The following LUZP2 variants were observed in gnomAD, a reference collection of about 807,000 sequenced individuals.
LUZP2 encodes the protein leucine zipper protein 2.
In LUZP2, 52 loss-of-function variants were observed where a neutral mutation model predicts 51.6. The observed-to-expected ratio is 1.01, with a 90% CI of 0.81 to 1.27. LUZP2 has a LOEUF of 1.27. Among genes scored for constraint, LUZP2 ranks in the 50% most tolerant of loss-of-function variants. LUZP2 has a pLI of 0.00. For missense variants in LUZP2, 436 were observed against 395.4 expected, an observed-to-expected ratio of 1.10 and a Z score of -0.87; for synonymous variants, 154 against 137.3, an observed-to-expected ratio of 1.12 and a Z score of -0.85.
At chr11:24,644,717 A>T (rs996075402) in intron 1 of LUZP2, among the ~76,000 whole-genome samples, 4 of 152,158 alleles carry the variant, frequency 2.6e-5, no homozygotes, top group African/African-American at 9.7e-5. Flanking sequence ...AGATCACAGG[A>T]AACTCAATCA....
intron 1 of LUZP2, among the ~76,000 whole-genome samples, chr11:24,524,756 T>G (rs1341305070): frequency 6.6e-6 from 1 of 151,730 alleles, no homozygotes; most frequent in Non-Finnish European, 1.5e-5. Context: ...TATTTGAATG[T>G]TCTGTCCTTG....
At chr11:24,898,777 G>A (rs1853172694) in intron 5 of LUZP2, among the ~76,000 whole-genome samples, 1 of 152,190 alleles carries the variant, frequency 6.6e-6, no homozygotes, top group South Asian at 2.1e-4. Flanking sequence ...ATTTGCTAGC[G>A]TTTTTGGGGT....
intron 1 of LUZP2, among the ~76,000 whole-genome samples, chr11:24,520,272 C>T (rs1360940032): frequency 1.3e-5 from 2 of 152,080 alleles, no homozygotes; most frequent in African/African-American, 4.8e-5. Flanking sequence ...CTCTAAAACG[C>T]ACTAGTGTAT....
At chr11:24,705,881 C>T (rs531694729) in intron 1 of LUZP2, among the ~76,000 whole-genome samples, 5 of 151,138 alleles carry the variant, frequency 3.3e-5, no homozygotes, top group South Asian at 2.1e-4. Flanking sequence ...TATGACAAAC[C>T]GGCTACTCAA....
At chr11:24,667,351 T>C (rs1856250483) in intron 1 of LUZP2, among the ~76,000 whole-genome samples, 2 of 151,746 alleles carry the variant, frequency 1.3e-5, no homozygotes, top group African/African-American at 4.8e-5. Flanking sequence ...GCTTGGCTAA[T>C]TTTTTTTGTA....
chr11:24,613,006 C>T (rs1289053115), intron 1 of LUZP2, among the ~76,000 whole-genome samples: 3 of 152,064 alleles, frequency 2.0e-5, no homozygotes, highest in Non-Finnish European at 1.5e-5. Flanking sequence ...GAAGAATCCA[C>T]AGGAAACAAA....
intron 1 of LUZP2, among the ~76,000 whole-genome samples, chr11:24,570,289 A>T (rs1352675200): frequency 2.0e-5 from 3 of 152,056 alleles, no homozygotes; most frequent in African/African-American, 7.2e-5. Context: ...TTGAGGGGGA[A>T]AGTGCTTTTC....
intron 5 of LUZP2, among the ~76,000 whole-genome samples, chr11:24,833,685 G>A (rs145099372): frequency 1.9e-4 from 25 of 135,062 alleles, no homozygotes; most frequent in Admixed American, 1.4e-3. Context: ...CACACGTCAC[G>A]TCCCCCACGC....
At chr11:24,926,641 ATATATATATGTGTGTGTATATATATATG>A (rs1854281696) in intron 7 of LUZP2, among the ~76,000 whole-genome samples, 1 of 133,972 alleles carries the variant, frequency 7.5e-6, no homozygotes, top group African/African-American at 2.7e-5. Context: ...ATATATGTAT[ATATATATATGTGTGTGTATATATATATG>A]TGTGTGTGTG....
chr11:24,602,171 T>TATATGTATATATATAC (rs1565020601), intron 1 of LUZP2, among the ~76,000 whole-genome samples: 11 of 74,932 alleles, frequency 1.5e-4, no homozygotes, highest in African/African-American at 5.5e-4. Context: ...TATATGTGTA[T>TATATGTATATATATAC]ATATATGTGT....
intron 9 of LUZP2, among the ~76,000 whole-genome samples, chr11:25,015,143 G>A (rs375454164): frequency 9.5e-4 from 145 of 152,078 alleles, no homozygotes; most frequent in African/African-American, 3.2e-3. Context: ...GAGTAGTTGC[G>A]ATTTATTTAG....
chr11:24,949,870 G>A (rs1411324894), intron 7 of LUZP2, among the ~76,000 whole-genome samples: 1 of 151,498 alleles, frequency 6.6e-6, no homozygotes, highest in Non-Finnish European at 1.5e-5. Flanking sequence ...TCTGACAAAG[G>A]AGAAATCAGC....
At position 25,044,010 on chromosome 11, in the gene LUZP2, C is replaced by CTACATATATCTGATATATATAGAGTCTA. The variant is rs1565272998; in HGVS notation, c.766-6026_766-6025insCATATATCTGATATATATAGAGTCTATA. Among the ~76,000 whole-genome samples, 179 of 109,154 alleles carry CTACATATATCTGATATATATAGAGTCTA rather than the reference C, an allele frequency of 1.6e-3. 4 individuals carry two copies. The highest frequency in any genetic ancestry group is 6.1e-3 in the African/African-American group (152 of 25,122). 71.6% of individuals were successfully genotyped at this position (109,154 alleles called of 152,430 possible). ...AGTCTACATATATCTGATATATAGT[C>CTACATATATCTGATATATATAGAGTCTA]TATATATATCTGATATATATAGAGT... On this transcript the variant is annotated intron_variant, in intron 9 of 11. Transcript: ENST00000336930.
At chr11:24,886,996 A>T (rs1352161242) in intron 5 of LUZP2, among the ~76,000 whole-genome samples, 1 of 152,078 alleles carries the variant, frequency 6.6e-6, no homozygotes. Flanking sequence ...GAATGTCCTA[A>T]TGCCTATTTG....
chr11:24,935,980 G>A (rs1003126647), intron 7 of LUZP2, among the ~76,000 whole-genome samples: 21 of 151,988 alleles, frequency 1.4e-4, no homozygotes, highest in Admixed American at 7.9e-4. Context: ...CCTTTTTGTC[G>A]TGAATGGAGA....
chr11:24,520,692 C>T (rs892114119), intron 1 of LUZP2, among the ~76,000 whole-genome samples: 4 of 152,176 alleles, frequency 2.6e-5, no homozygotes, highest in African/African-American at 9.7e-5. Flanking sequence ...GAACCAATAC[C>T]AGAGCCAGAC....
intron 5 of LUZP2, among the ~76,000 whole-genome samples, chr11:24,896,329 G>C (rs897905779): frequency 5.9e-5 from 9 of 152,116 alleles, no homozygotes; most frequent in Admixed American, 2.0e-4. Context: ...GGGCAATTGC[G>C]GGCCACAGTG....
intron 5 of LUZP2, among the ~76,000 whole-genome samples, chr11:24,810,135 A>C (rs906698776): frequency 6.6e-6 from 1 of 152,108 alleles, no homozygotes. Context: ...GTATCCATTT[A>C]GTTTGTAGAT....
intron 9 of LUZP2, among the ~76,000 whole-genome samples, chr11:25,048,125 G>A (rs1175085544): frequency 6.6e-6 from 1 of 152,106 alleles, no homozygotes; most frequent in East Asian, 1.9e-4. Context: ...TTTGGCTGCT[G>A]AATTAAGTAT....
Sources: allele counts gnomAD v4.1 joint callset (sites outside exome capture counted in the v4.1 genomes callset), GRCh38; gene constraint gnomAD v4.1.1; transcripts MANE v1.5; gene names NCBI Gene and HGNC (gene_info 2026-07-23, HGNC 2026-07-21).